KCNN2: variants seen among roughly 807,000 people sequenced by gnomAD.
KCNN2 encodes the protein potassium calcium-activated channel subfamily N member 2, also known as small conductance calcium-activated potassium channel protein 2.
In KCNN2, 24 loss-of-function variants were observed where a neutral mutation model predicts 55.5. The ratio of observed to expected loss-of-function variants is 0.43; its 90% CI spans 0.31 to 0.61. KCNN2 has a LOEUF of 0.61. Ranked by LOEUF, KCNN2 falls within the 20% of genes least tolerant of loss-of-function variation. The pLI, the probability that KCNN2 is intolerant of heterozygous loss-of-function variation, is 0.08. For synonymous variants in KCNN2, 431 were observed against 336.1 expected (o/e 1.28, Z -3.09); for missense variants, 754 against 853.6 (o/e 0.88, Z 1.45).
chr5:114,476,243 A>G (rs968352615), intron 5 of KCNN2, among the ~76,000 whole-genome samples: 3 of 140,968 alleles, frequency 2.1e-5, no homozygotes, highest in Non-Finnish European at 3.0e-5. Flanking sequence ...ATGTCCAACA[A>G]TGATAGACTG....
intron 1 of KCNN2, among the ~76,000 whole-genome samples, chr5:114,086,196 C>T (rs1376179094): frequency 6.6e-6 from 1 of 152,038 alleles, no homozygotes; most frequent in Non-Finnish European, 1.5e-5. Flanking sequence ...CAGTATATAG[C>T]TGTGTGTTTG....
chr5:114,416,862 G>T (rs1561617760), intron 3 of KCNN2, among the ~76,000 whole-genome samples: 2 of 152,068 alleles, frequency 1.3e-5, no homozygotes, highest in African/African-American at 4.8e-5. Flanking sequence ...ACAAAGTAAG[G>T]CACATATTAT....
At chr5:114,347,763 T>A (rs560265538) in intron 2 of KCNN2, among the ~76,000 whole-genome samples, 4 of 152,236 alleles carry the variant, frequency 2.6e-5, no homozygotes, top group African/African-American at 9.6e-5. Context: ...AAAAACCCCA[T>A]GAGTAAATTA....
chr5:114,465,208 G>A (rs372171504), intron 4 of KCNN2, among the ~76,000 whole-genome samples: 23 of 152,168 alleles, frequency 1.5e-4, no homozygotes, highest in Admixed American at 9.8e-4. Context: ...CTTGTTCCTC[G>A]TGTCTCAAAA....
At chr5:114,142,369 C>A (rs1467557552) in intron 1 of KCNN2, among the ~76,000 whole-genome samples, 2 of 152,156 alleles carry the variant, frequency 1.3e-5, no homozygotes, top group Non-Finnish European at 2.9e-5. Flanking sequence ...GTTTTCCCAG[C>A]ACCATTTATT....
At chr5:114,413,566 C>T (rs1023541264) in intron 3 of KCNN2, among the ~76,000 whole-genome samples, 5 of 152,166 alleles carry the variant, frequency 3.3e-5, no homozygotes, top group Admixed American at 1.3e-4. Flanking sequence ...GGATTACAGG[C>T]GTGAGCCACC....
chr5:114,100,001 A>T (rs993772214), intron 1 of KCNN2, among the ~76,000 whole-genome samples: 3 of 152,050 alleles, frequency 2.0e-5, no homozygotes, highest in Admixed American at 6.6e-5. Flanking sequence ...ACAATCTATC[A>T]TGTTATAATA....
intron 2 of KCNN2, among the ~76,000 whole-genome samples, chr5:114,324,238 C>T (rs1450846541): frequency 6.6e-6 from 1 of 152,086 alleles, no homozygotes; most frequent in African/African-American, 2.4e-5. Flanking sequence ...AATGGGCTCC[C>T]CCTTGTCCTA....
chr5:114,263,004 A>C (rs1032449036), intron 2 of KCNN2, among the ~76,000 whole-genome samples: 5 of 152,214 alleles, frequency 3.3e-5, no homozygotes, highest in Admixed American at 3.3e-4. Context: ...AATAAAAATA[A>C]ATGAAAAGGA....
chr5:114,333,114 TA>T (rs1756855471), intron 2 of KCNN2, among the ~76,000 whole-genome samples: 1 of 152,300 alleles, frequency 6.6e-6, no homozygotes, highest in South Asian at 2.1e-4. Flanking sequence ...TCAGAAAGAA[TA>T]AATGTTGATA....
At chr5:114,117,300 G>A (rs1275327385) in intron 1 of KCNN2, among the ~76,000 whole-genome samples, 4 of 152,132 alleles carry the variant, frequency 2.6e-5, no homozygotes, top group South Asian at 2.1e-4. Flanking sequence ...ACAGAGGGCA[G>A]CCTGGATCAT....
intron 1 of KCNN2, among the ~76,000 whole-genome samples, chr5:114,184,295 A>C (rs1753289825): frequency 6.6e-6 from 1 of 152,224 alleles, no homozygotes; most frequent in South Asian, 2.1e-4. Flanking sequence ...GGAATTCTAA[A>C]GTGATTCTAT....
chr5:114,457,746 C>A (rs564128847), intron 3 of KCNN2, among the ~76,000 whole-genome samples: 1 of 152,284 alleles, frequency 6.6e-6, no homozygotes, highest in East Asian at 1.9e-4. Flanking sequence ...CCAGCTCTGT[C>A]CTTCAACAGA....
At chr5:114,475,723 A>C (rs1025061920) in intron 5 of KCNN2, among the ~76,000 whole-genome samples, 1 of 152,038 alleles carries the variant, frequency 6.6e-6, no homozygotes, top group African/African-American at 2.4e-5. Flanking sequence ...GCTTGTGCTC[A>C]TGGGTCCCCT....
chr5:114,264,770 C>G (rs1755175802), intron 2 of KCNN2, among the ~76,000 whole-genome samples: 6 of 152,078 alleles, frequency 3.9e-5, no homozygotes, highest in Admixed American at 3.9e-4. Flanking sequence ...CTCACGAATG[C>G]CCCCCCAGGG....
At chr5:114,288,565 G>C (rs1290369379) in intron 2 of KCNN2, among the ~76,000 whole-genome samples, 2 of 150,296 alleles carry the variant, frequency 1.3e-5, no homozygotes, top group African/African-American at 4.9e-5. Context: ...AGCCACACTT[G>C]TTGGTGTAAG....
chr5:114,298,714 T>C (rs1756086602), intron 2 of KCNN2, among the ~76,000 whole-genome samples: 1 of 152,220 alleles, frequency 6.6e-6, no homozygotes, highest in Non-Finnish European at 1.5e-5. Context: ...TTAATTTTGT[T>C]CTTTTTCAAA....
In KCNN2 at chr5:114,074,335, C is replaced by CGT. The variant is rs1554066940; in HGVS notation, c.-271+17836_-271+17837insTG. Among the ~76,000 whole-genome samples, 60 of 143,702 alleles carry CGT rather than the reference C, an allele frequency of 4.2e-4. 1 individual carries two copies. Among genetic ancestry groups the CGT allele is most frequent in the African/African-American group, 1.7e-3 (58 of 34,812 alleles). The allele number at this position is 143,702 out of a possible 152,430, so 94.3% of individuals were successfully genotyped here. A position where few individuals can be genotyped will look rare whatever the true frequency, so the allele number is the denominator to read the frequency against. On this transcript the variant is annotated intron_variant, in intron 1 of 10. Coordinates refer to the KCNN2 transcript ENST00000512097. ...GTGTGTGTGTGTGTGTGTGTGCGCG[C>CGT]GCGCGCCAGAGAGAAAGAGGGAAGA...
intron 2 of KCNN2, among the ~76,000 whole-genome samples, chr5:114,317,500 A>T (rs939154870): frequency 6.6e-6 from 1 of 152,208 alleles, no homozygotes; most frequent in African/African-American, 2.4e-5. Context: ...ATTCTTTCTT[A>T]GACTATACTT....
Sources: allele counts gnomAD v4.1 joint callset (sites outside exome capture counted in the v4.1 genomes callset), GRCh38; gene constraint gnomAD v4.1.1; transcripts MANE v1.5; gene names NCBI Gene and HGNC (gene_info 2026-07-23, HGNC 2026-07-21).